Variants in SMCO4 observed in about 807,000 individuals in gnomAD.
The protein encoded by SMCO4 is single-pass membrane and coiled-coil domain-containing protein 4.
In SMCO4, 4 loss-of-function variants were observed where a neutral mutation model predicts 3.6. That is an observed-to-expected ratio of 1.11 (90% CI 0.54 to 2.53). The LOEUF (loss-of-function observed/expected upper bound fraction) is 2.53, where lower values mean the gene tolerates loss of function less well. Among genes scored for constraint, SMCO4 ranks in the 30% most tolerant of loss-of-function variants. The pLI is 0.02. For missense variants in SMCO4, 70 were observed against 80.8 expected (o/e 0.87, Z 0.51); for synonymous variants, 36 against 35.3 (o/e 1.02, Z -0.07).
intron 1 of SMCO4, among the ~76,000 whole-genome samples, chr11:93,520,674 C>A (rs572548322): frequency 6.5e-4 from 99 of 152,326 alleles, no homozygotes; most frequent in African/African-American, 2.1e-3. Flanking sequence ...GATACAAAGA[C>A]AATCAACACT....
intron 1 of SMCO4, among the ~76,000 whole-genome samples, chr11:93,539,245 C>T (rs1949253201): frequency 1.3e-5 from 2 of 149,778 alleles, no homozygotes; most frequent in African/African-American, 5.0e-5. Flanking sequence ...TCTTCATAAT[C>T]AATGAGAATT....
chr11:93,547,281 C>A (rs1160934804), upstream of SMCO4, among the ~76,000 whole-genome samples: 1 of 152,180 alleles, frequency 6.6e-6, no homozygotes, highest in Non-Finnish European at 1.5e-5. Flanking sequence ...CACATGCCTA[C>A]CCTCAGCCAG....
At chr11:93,498,663 A>G (rs768605476) in intron 2 of SMCO4, among the ~76,000 whole-genome samples, 1 of 152,256 alleles carries the variant, frequency 6.6e-6, no homozygotes, top group East Asian at 1.9e-4. Flanking sequence ...ACCAATAGCC[A>G]AAGGACACCT....
At chr11:93,514,814 A>G (rs1948994771) in intron 1 of SMCO4, among the ~76,000 whole-genome samples, 1 of 152,170 alleles carries the variant, frequency 6.6e-6, no homozygotes, top group African/African-American at 2.4e-5. Context: ...CATCTACCAC[A>G]TACCAGACAT....
intron 1 of SMCO4, among the ~76,000 whole-genome samples, chr11:93,524,608 T>C (rs1271055681): frequency 6.6e-6 from 1 of 152,088 alleles, no homozygotes; most frequent in Non-Finnish European, 1.5e-5. Flanking sequence ...GCAGCAGCAT[T>C]ACTGCCAGGC....
chr11:93,550,906 T>C, the SMCO4 span, among the ~76,000 whole-genome samples: 1 of 152,226 alleles, frequency 6.6e-6, no homozygotes, highest in African/African-American at 2.4e-5. Flanking sequence ...ATATACCAGC[T>C]GTACCTTTTG....
chr11:93,511,125 C>A (rs1427687560), intron 1 of SMCO4, among the ~76,000 whole-genome samples: 1 of 151,966 alleles, frequency 6.6e-6, no homozygotes, highest in African/African-American at 2.4e-5. Context: ...AAAAAGCCCA[C>A]TCAAAAGATT....
At chr11:93,527,600 G>C (rs1019613057) in intron 1 of SMCO4, among the ~76,000 whole-genome samples, 1 of 152,024 alleles carries the variant, frequency 6.6e-6, no homozygotes, top group African/African-American at 2.4e-5. Context: ...GGGACTACAG[G>C]CACACACCAC....
intron 2 of SMCO4, among the ~76,000 whole-genome samples, chr11:93,486,214 G>A (rs1948648408): frequency 6.6e-6 from 1 of 152,244 alleles, no homozygotes; most frequent in African/African-American, 2.4e-5. Flanking sequence ...CTGAGGCTTA[G>A]AGCAGGCCCC....
chr11:93,507,323 C>T (rs529758629), intron 1 of SMCO4, among the ~76,000 whole-genome samples: 106 of 152,204 alleles, frequency 7.0e-4, no homozygotes, highest in Non-Finnish European at 1.4e-3. Context: ...TCACTTGAAC[C>T]CGGGAAGCGG....
intron 1 of SMCO4, among the ~76,000 whole-genome samples, chr11:93,508,878 GTAGAC>G (rs1948932747): frequency 6.6e-6 from 1 of 152,232 alleles, no homozygotes; most frequent in Non-Finnish European, 1.5e-5. Context: ...CCAGAGCAAA[GTAGAC>G]CTCTGCAGAG....
intron 1 of SMCO4, among the ~76,000 whole-genome samples, chr11:93,540,722 A>C (rs1591332759): frequency 6.6e-6 from 1 of 152,324 alleles, no homozygotes; most frequent in East Asian, 1.9e-4. Flanking sequence ...ATGCCTGCTC[A>C]ATGGCAGGGG....
intron 1 of SMCO4, among the ~76,000 whole-genome samples, chr11:93,534,721 C>CT (rs1949202870): frequency 6.6e-6 from 1 of 152,140 alleles, no homozygotes; most frequent in Non-Finnish European, 1.5e-5. Flanking sequence ...AGGTAAAGGA[C>CT]TCTGTGGTCC....
chr11:93,551,612 G>A, the SMCO4 span, among the ~76,000 whole-genome samples: 1 of 152,198 alleles, frequency 6.6e-6, no homozygotes, highest in East Asian at 1.9e-4. Flanking sequence ...TGAGTATTTT[G>A]CTAGTTCCTG....
chr11:93,487,738 T>A (rs952156199), intron 2 of SMCO4, among the ~76,000 whole-genome samples: 1 of 152,256 alleles, frequency 6.6e-6, no homozygotes, highest in Admixed American at 6.5e-5. Flanking sequence ...CTGTGTTATG[T>A]ATTATTGTCC....
At chr11:93,504,850 G>A (rs1001111227) in intron 1 of SMCO4, among the ~76,000 whole-genome samples, 1 of 152,202 alleles carries the variant, frequency 6.6e-6, no homozygotes, top group African/African-American at 2.4e-5. Context: ...AATGGGGCCA[G>A]GTCAGAGCAA....
intron 2 of SMCO4, among the ~76,000 whole-genome samples, chr11:93,482,779 A>G (rs1268884768): frequency 1.3e-5 from 2 of 152,228 alleles, no homozygotes; most frequent in Non-Finnish European, 2.9e-5. Flanking sequence ...ACTCTGCTGC[A>G]AGCCCCTCTG....
At chr11:93,514,727 T>A (rs1011361707) in intron 1 of SMCO4, among the ~76,000 whole-genome samples, 7 of 152,170 alleles carry the variant, frequency 4.6e-5, no homozygotes, top group African/African-American at 1.7e-4. Context: ...CATTCACATT[T>A]TCTAGCCTCA....
chr11:93,536,343 A>AGG (rs1949224741), intron 1 of SMCO4, among the ~76,000 whole-genome samples: 1 of 152,212 alleles, frequency 6.6e-6, no homozygotes, highest in Admixed American at 6.5e-5. Flanking sequence ...TGTGCATACT[A>AGG]ATATGTATGA....
Sources: allele counts gnomAD v4.1 joint callset (sites outside exome capture counted in the v4.1 genomes callset), GRCh38; gene constraint gnomAD v4.1.1; transcripts MANE v1.5; gene names NCBI Gene and HGNC (gene_info 2026-07-23, HGNC 2026-07-21).